Variants in HDAC9 observed in about 807,000 individuals in gnomAD.
HDAC9 encodes the protein histone deacetylase 9, also known as MEF-2 interacting transcription repressor (MITR) protein.
A neutral mutation model predicts 139.4 loss-of-function variants in HDAC9; 41 were observed. The ratio of observed to expected loss-of-function variants is 0.29; its 90% CI spans 0.23 to 0.38. The LOEUF is 0.38. Among genes scored for constraint, HDAC9 ranks in the 10% least tolerant of loss-of-function variants. HDAC9 has a pLI of 1.00. For synonymous variants in HDAC9, 517 were observed against 476.2 expected, an observed-to-expected ratio of 1.09 and a Z score of -1.12; for missense variants, 1,147 against 1,297.0, an observed-to-expected ratio of 0.88 and a Z score of 1.78.
intron 21 of HDAC9, among the ~76,000 whole-genome samples, chr7:18,866,901 A>G (rs1280330421): frequency 6.6e-6 from 1 of 152,176 alleles, no homozygotes; most frequent in Admixed American, 6.5e-5. Context: ...AGTGCAACCA[A>G]TTGTTTGGCC....
At chr7:18,560,799 C>T (rs1309599426) in intron 2 of HDAC9, among the ~76,000 whole-genome samples, 1 of 151,996 alleles carries the variant, frequency 6.6e-6, no homozygotes, top group East Asian at 1.9e-4. Context: ...AGCTAGCTCC[C>T]CTGGAATCAG....
intron 1 of HDAC9, among the ~76,000 whole-genome samples, chr7:18,111,913 C>T (rs1783645502): frequency 6.6e-6 from 1 of 152,138 alleles, no homozygotes; most frequent in Admixed American, 6.5e-5. Flanking sequence ...AGCTGTATTT[C>T]CTGCCAGTGG....
At chr7:18,935,039 G>C (rs909746657) in intron 22 of HDAC9, among the ~76,000 whole-genome samples, 1 of 152,106 alleles carries the variant, frequency 6.6e-6, no homozygotes, top group Admixed American at 6.6e-5. Context: ...AGTTGCAAAA[G>C]TGTAAAACCA....
At chr7:18,755,851 T>C (rs939659702) in intron 14 of HDAC9, among the ~76,000 whole-genome samples, 5 of 152,172 alleles carry the variant, frequency 3.3e-5, no homozygotes, top group African/African-American at 1.2e-4. Context: ...TCAAGCAGTA[T>C]TAAGACACAT....
At chr7:18,530,117 G>A (rs955408492) in intron 2 of HDAC9, among the ~76,000 whole-genome samples, 9 of 151,538 alleles carry the variant, frequency 5.9e-5, no homozygotes, top group Non-Finnish European at 7.4e-5. Flanking sequence ...CAGTCTCTAC[G>A]TAAATAGAAA....
intron 1 of HDAC9, among the ~76,000 whole-genome samples, chr7:18,422,107 C>T (rs1299342173): frequency 6.6e-6 from 1 of 152,174 alleles, no homozygotes; most frequent in Admixed American, 6.5e-5. Flanking sequence ...GACATATTCT[C>T]ACATCTGGAA....
At chr7:18,372,644 AG>A (rs1352970073) in intron 1 of HDAC9, among the ~76,000 whole-genome samples, 1 of 152,230 alleles carries the variant, frequency 6.6e-6, no homozygotes, top group Non-Finnish European at 1.5e-5. Flanking sequence ...TTTAAACATG[AG>A]AACATCACGA....
At chr7:18,866,186 T>C (rs569138712) in intron 21 of HDAC9, among the ~76,000 whole-genome samples, 49 of 151,310 alleles carry the variant, frequency 3.2e-4, no homozygotes, top group African/African-American at 1.2e-3. Flanking sequence ...TGACATTCTT[T>C]TGATGCCCTG....
At chr7:18,256,802 A>ATGTGGCTGAGCC (rs1584876267) in intron 2 of HDAC9, among the ~76,000 whole-genome samples, 2 of 152,212 alleles carry the variant, frequency 1.3e-5, no homozygotes, top group East Asian at 3.9e-4. Flanking sequence ...AAATACATAA[A>ATGTGGCTGAGCC]TGTGGCTGGG....
intron 2 of HDAC9, among the ~76,000 whole-genome samples, chr7:18,240,941 A>C (rs559566255): frequency 6.6e-6 from 1 of 152,228 alleles, no homozygotes; most frequent in African/African-American, 2.4e-5. Context: ...ATGTCACTGC[A>C]TCATTGAGAC....
At chr7:18,183,316 G>T (rs1227358845) in intron 2 of HDAC9, among the ~76,000 whole-genome samples, 1 of 152,028 alleles carries the variant, frequency 6.6e-6, no homozygotes, top group Non-Finnish European at 1.5e-5. Flanking sequence ...GCCATGGTTT[G>T]TTTTTTTAAA....
chr7:18,628,214 T>C (rs187469082), intron 6 of HDAC9, among the ~76,000 whole-genome samples: 7 of 152,278 alleles, frequency 4.6e-5, no homozygotes, highest in Admixed American at 2.6e-4. Flanking sequence ...ACATTTTCAG[T>C]ATTTAGAATA....
intron 2 of HDAC9, among the ~76,000 whole-genome samples, chr7:18,519,666 C>G (rs1049606677): frequency 6.6e-6 from 1 of 151,978 alleles, no homozygotes; most frequent in Non-Finnish European, 1.5e-5. Flanking sequence ...GCACACTGTT[C>G]AAATTTTGGA....
At chr7:18,452,448 A>C (rs574685508) in intron 1 of HDAC9, among the ~76,000 whole-genome samples, 1 of 152,268 alleles carries the variant, frequency 6.6e-6, no homozygotes, top group South Asian at 2.1e-4. Flanking sequence ...TGATTTGTCA[A>C]AGGACCTTTG....
intron 21 of HDAC9, among the ~76,000 whole-genome samples, chr7:18,849,547 T>C (rs1224799148): frequency 2.0e-5 from 3 of 152,204 alleles, no homozygotes; most frequent in African/African-American, 4.8e-5. Context: ...AGATCAGATA[T>C]GACACATAAA....
chr7:18,469,191 G>A (rs534225443), intron 1 of HDAC9, among the ~76,000 whole-genome samples: 66 of 152,220 alleles, frequency 4.3e-4, no homozygotes, highest in African/African-American at 1.4e-3. Flanking sequence ...TTTTTATTGT[G>A]GACCTATGTA....
At chr7:18,908,527 C>A (rs1434325552) in intron 22 of HDAC9, among the ~76,000 whole-genome samples, 1 of 152,002 alleles carries the variant, frequency 6.6e-6, no homozygotes, top group African/African-American at 2.4e-5. Context: ...ATTAACCAAC[C>A]TTTTCCTATT....
intron 1 of HDAC9, among the ~76,000 whole-genome samples, chr7:18,095,023 A>C (rs563536069): frequency 6.6e-6 from 1 of 152,322 alleles, no homozygotes; most frequent in African/African-American, 2.4e-5. Flanking sequence ...GCAATGAATT[A>C]TCCATAAATT....
rs993018205 is a variant in HDAC9 at position 18,568,040 on chromosome 7, A to G, written c.23-17241A>G. ...TATATGTATATGTATATATATATAT[A>G]TATATATATATATGTAAGCTTAGAA... On this transcript the variant is annotated intron_variant, in intron 2 of 25. Coordinates refer to ENST00000686413, the MANE Select transcript of HDAC9 (RefSeq NM_178425.4). Among the ~76,000 whole-genome samples the G allele has an allele frequency of 2.7e-3, 391 of 146,688 alleles. 9 individuals carry two copies. Among genetic ancestry groups the G allele is most frequent in the Admixed American group, 7.7e-3 (113 of 14,646 alleles).
Sources: allele counts gnomAD v4.1 joint callset (sites outside exome capture counted in the v4.1 genomes callset), GRCh38; gene constraint gnomAD v4.1.1; transcripts MANE v1.5; gene names NCBI Gene and HGNC (gene_info 2026-07-23, HGNC 2026-07-21).